EHMT1: variants seen among roughly 807,000 people sequenced by gnomAD.
EHMT1 encodes the protein euchromatic histone lysine methyltransferase 1.
Under a neutral mutation model 147.2 loss-of-function variants are expected in EHMT1, and 15 were observed. That is an observed-to-expected ratio of 0.10 (90% CI 0.07 to 0.16). The LOEUF (loss-of-function observed/expected upper bound fraction) is 0.16. Ranked by LOEUF, EHMT1 falls within the 10% of genes least tolerant of loss-of-function variation. The probability of loss-of-function intolerance (pLI) is 1.00; values close to 1 mark genes in which losing one functional copy is unlikely to be tolerated. For synonymous variants in EHMT1, 795 were observed against 709.6 expected, an observed-to-expected ratio of 1.12 and a Z score of -1.91; for missense variants, 1,587 against 1,772.4, an observed-to-expected ratio of 0.90 and a Z score of 1.88.
intron 1 of EHMT1, among the ~76,000 whole-genome samples, chr9:137,623,106 G>T (rs1055202742): frequency 6.6e-6 from 1 of 151,598 alleles, no homozygotes; most frequent in East Asian, 2.0e-4. Context: ...CCAGCTACTC[G>T]GGAGGCTGAG....
chr9:137,753,019 C>A (rs1199901701), intron 7 of EHMT1, among the ~76,000 whole-genome samples: 1 of 152,048 alleles, frequency 6.6e-6, no homozygotes, highest in Non-Finnish European at 1.5e-5. Flanking sequence ...GCACCCTGGT[C>A]TGCGGGAATT....
chr9:137,763,208 C>G (rs577213879), intron 10 of EHMT1: 2 of 408,194 alleles, frequency 4.9e-6, no homozygotes, highest in Non-Finnish European at 9.0e-6. Context: ...GGGCAGGCCC[C>G]GCAAGGGCCG....
chr9:137,692,958 A>T (rs147262402), intron 1 of EHMT1, among the ~76,000 whole-genome samples: 1 of 152,168 alleles, frequency 6.6e-6, no homozygotes, highest in Non-Finnish European at 1.5e-5. Context: ...GGATGTGGCC[A>T]CAAGGGTTGT....
intron 1 of EHMT1, among the ~76,000 whole-genome samples, chr9:137,684,931 T>C (rs1942296797): frequency 6.6e-6 from 1 of 152,198 alleles, no homozygotes; most frequent in Non-Finnish European, 1.5e-5. Context: ...TTTGAATTAC[T>C]GCATATACAT....
At chr9:137,802,641 T>C in intron 18 of EHMT1, 1 of 426,896 alleles carries the variant, frequency 2.3e-6, no homozygotes, top group East Asian at 3.6e-5. Context: ...GGTCTGCATT[T>C]GGAACCCCTC....
chr9:137,638,728 C>T (rs1041121820), intron 1 of EHMT1, among the ~76,000 whole-genome samples: 3 of 149,574 alleles, frequency 2.0e-5, no homozygotes, highest in Non-Finnish European at 4.5e-5. Context: ...TCCAGTATGA[C>T]TTACGTGTCC....
intron 1 of EHMT1, 73 bp from the exon 2 acceptor site, chr9:137,710,894 T>C: frequency 6.6e-7 from 1 of 1,520,274 alleles, no homozygotes; most frequent in Non-Finnish European, 8.9e-7. Flanking sequence ...TTTTGACTTT[T>C]TCCAAATGAT....
intron 10 of EHMT1, among the ~76,000 whole-genome samples, chr9:137,768,529 ATTTTTTTTTTTTTTTTTTTTTTTTTT>A (rs947901899): frequency 5.5e-5 from 1 of 18,280 alleles, no homozygotes; most frequent in South Asian, 3.0e-3. Flanking sequence ...AATTTTTTGT[ATTTTTTTTTTTTTTTTTTTTTTTTTT>A]TTTTTTTTTT....
At chr9:137,660,398 A>T (rs924258185) in intron 1 of EHMT1, among the ~76,000 whole-genome samples, 2 of 152,116 alleles carry the variant, frequency 1.3e-5, no homozygotes, top group African/African-American at 4.8e-5. Context: ...TTAGGTATTG[A>T]GCAAGCCCTC....
chr9:137,811,742 G>A (rs1032676161), intron 19 of EHMT1, 127 bp downstream of exon 19: 20 of 1,283,012 alleles, frequency 1.6e-5, no homozygotes, highest in Non-Finnish European at 2.2e-5. Flanking sequence ...TCCTTCGTGT[G>A]GAAGTCCATC....
At chr9:137,804,892 CAGTT>C (rs1426534252) in intron 18 of EHMT1, among the ~76,000 whole-genome samples, 1 of 152,186 alleles carries the variant, frequency 6.6e-6, no homozygotes, top group Non-Finnish European at 1.5e-5. Context: ...ATTTGTGAGT[CAGTT>C]ACCCATGTGT....
chr9:137,835,242 T>C lies in EHMT1; in HGVS notation c.*289T>C. The C allele has an allele frequency of 3.0e-6, 1 of 328,044 alleles. No homozygotes were observed. Among genetic ancestry groups the C allele is most frequent in the Non-Finnish European group, 5.5e-6 (1 of 182,430 alleles). 20.3% of individuals were successfully genotyped at this position (328,044 alleles called of 1,614,324 possible). On this transcript the variant is annotated 3_prime_UTR_variant, in exon 27 of 27. Coordinates refer to ENST00000460843, the MANE Select transcript of EHMT1 (RefSeq NM_024757.5). Reference sequence around the variant, plus strand: ...GTCCGCACTGGCATCACCTTCTGAGTTTCTGATGCTGATTTGTCGTTGCGA... The same window carrying C: ...GTCCGCACTGGCATCACCTTCTGAGCTTCTGATGCTGATTTGTCGTTGCGA...
rs1564846394 is a variant in EHMT1 at position 137,834,544 on chromosome 9, CT to C, written c.3716+21del. ...GCTCGGGTACGCACCGCCCCGGCCC[CT>C]GGCCATCTCCGCTGCCGGCGGGACG... On this transcript the variant is annotated intron_variant, in intron 26 of 26. Transcript: ENST00000460843. 2 of 1,608,628 alleles carry C rather than the reference CT, an allele frequency of 1.2e-6. No homozygotes were observed. Among genetic ancestry groups the C allele is most frequent in the Non-Finnish European group, 1.7e-6 (2 of 1,179,260 alleles).
chr9:137,674,615 C>T (rs1398636680), intron 1 of EHMT1, among the ~76,000 whole-genome samples: 1 of 152,020 alleles, frequency 6.6e-6, no homozygotes, highest in African/African-American at 2.4e-5. Flanking sequence ...TGTGTGAGAC[C>T]CGCATTTATA....
Position 137,777,091 on chromosome 9 carries a change from A to G in EHMT1, c.2018+247A>G, listed in dbSNP as rs189673528. The G allele has an allele frequency of 3.6e-3, 1,741 of 480,474 alleles. 9 individuals are homozygous for G. The highest frequency in any genetic ancestry group is 4.9e-3 in the Non-Finnish European group (1,276 of 261,682). The allele number at this position is 480,474 out of a possible 1,614,324, so 29.8% of individuals were successfully genotyped here. A position where few individuals can be genotyped will look rare whatever the true frequency, so the allele number is the denominator to read the frequency against. The stretch of plus-strand genomic sequence containing the variant: ...TTGAACCGGTTTTCACAGCACCCCC[A>G]TTGATGTAGCTCTGTGGTGTTTCTG... On this transcript the variant is annotated intron_variant, in intron 12 of 26. Coordinates refer to ENST00000460843, the MANE Select transcript of EHMT1 (RefSeq NM_024757.5).
At position 137,731,272 on chromosome 9, in the gene EHMT1, G is replaced by T. The variant is rs1172852805; in HGVS notation, c.823+2743G>T. Among the ~76,000 whole-genome samples the T allele has an allele frequency of 4.6e-5, 7 of 152,208 alleles. No individual in the cohort carries two copies. In the East Asian group the frequency reaches 1.2e-3, roughly 25 times the overall value. On this transcript the variant is annotated intron_variant, in intron 4 of 26. Transcript: ENST00000460843. The surrounding 1 kb of genome is among the most constrained non-coding windows in gnomAD (Gnocchi z 4.3). The stretch of plus-strand genomic sequence containing the variant: ...AGATGTGCTCGGCAGTTAGCTGCCT[G>T]CTGTGGTCCAGTGGTTAAGATACTC...
At chr9:137,619,658 C>A (rs1209072153) in intron 1 of EHMT1, among the ~76,000 whole-genome samples, 1 of 152,138 alleles carries the variant, frequency 6.6e-6, no homozygotes, top group African/African-American at 2.4e-5. Flanking sequence ...CGGTGGGAAG[C>A]TTGCGGACTC....
chr9:137,811,247 A>G (rs769404022), intron 18 of EHMT1, among the ~76,000 whole-genome samples: 1 of 152,144 alleles, frequency 6.6e-6, no homozygotes, highest in Non-Finnish European at 1.5e-5. Flanking sequence ...AATGAAACAA[A>G]CAAAACATGA....
At position 137,732,697 on chromosome 9, in the gene EHMT1, C is replaced by T. The variant is rs912618155; in HGVS notation, c.823+4168C>T. ...GGCAGCCCGGTTTTCAGGCTTCAGG[C>T]GGCCTTTGGCTTGAAGGTCAGGTTT... On this transcript the variant is annotated intron_variant, in intron 4 of 26. Transcript: ENST00000460843. The surrounding 1 kb of genome is among the most constrained non-coding windows in gnomAD (Gnocchi z 4.6). Among the ~76,000 whole-genome samples, 12 of 152,168 alleles carry T rather than the reference C, an allele frequency of 7.9e-5. No individual in the cohort carries two copies. Among genetic ancestry groups the T allele is most frequent in the African/African-American group, 2.4e-4 (10 of 41,438 alleles).
Sources: gnomAD v4.1 joint callset for allele counts (sites outside exome capture counted in the v4.1 genomes callset) on GRCh38, gnomAD v4.1.1 for gene constraint, Gnocchi (gnomAD v3.1) non-coding constraint, MANE v1.5 for transcripts, NCBI Gene and HGNC (gene_info 2026-07-23, HGNC 2026-07-21) for gene names.